ORC6: variants seen among roughly 807,000 people sequenced by gnomAD.
ORC6 encodes the protein origin recognition complex subunit 6, also known as origin recognition complex, subunit 6 homolog-like (yeast).
A neutral mutation model predicts 30.0 loss-of-function variants in ORC6; 31 were observed. That is an observed-to-expected ratio of 1.03 (90% CI 0.78 to 1.40). The LOEUF is 1.40. Ranked by LOEUF, ORC6 falls within the 40% of genes most tolerant of loss-of-function variation. ORC6 has a pLI of 0.00. For missense variants in ORC6, 340 were observed against 304.3 expected (o/e 1.12, Z -0.87); for synonymous variants, 136 against 111.2 (o/e 1.22, Z -1.40).
intron 2 of ORC6, 95 bp downstream of exon 2, chr16:46,691,215 T>A (rs1272619063): frequency 8.7e-7 from 1 of 1,155,620 alleles, no homozygotes; most frequent in Non-Finnish European, 1.3e-6. Context: ...AACTCTTGTT[T>A]TAGAATTGTC....
chr16:46,696,590 GT>G (rs1200895786), intron 6 of ORC6, among the ~76,000 whole-genome samples: 6 of 152,292 alleles, frequency 3.9e-5, no homozygotes, highest in African/African-American at 1.4e-4. Context: ...CTGCATTATT[GT>G]TTTAATACCA....
chr16:46,695,412 C>A, intron 4 of ORC6, 150 bp from the exon 5 acceptor site: 1 of 646,454 alleles, frequency 1.5e-6, no homozygotes. Flanking sequence ...AACAACTTAG[C>A]ATAGATAATA....
intron 5 of ORC6, 109 bp from the exon 6 acceptor site, chr16:46,695,908 C>A: frequency 1.2e-6 from 1 of 852,514 alleles, no homozygotes; most frequent in South Asian, 1.4e-5. Flanking sequence ...TTTCTCTTCT[C>A]CTCATATTTG....
chr16:46,691,208 T>G, intron 2 of ORC6, 88 bp downstream of exon 2: 1 of 1,277,104 alleles, frequency 7.8e-7, no homozygotes, highest in Non-Finnish European at 1.1e-6. Context: ...TAGTAAAAAC[T>G]CTTGTTTTAG....
Position 46,689,672 on chromosome 16 carries a change from G to A in ORC6, c.-34G>A. On this transcript the variant is annotated 5_prime_UTR_variant, in exon 1 of 7. Transcript: ENST00000219097. ...CGCGCGGGTTTCGTTGACCCGCGGC[G>A]TTCACGGGAATTGTTCGCTTTAGTG... 1 of 1,585,854 alleles carries A rather than the reference G, an allele frequency of 6.3e-7. No individual in the cohort carries two copies. The highest frequency in any genetic ancestry group is 8.6e-7 in the Non-Finnish European group (1 of 1,165,638).
Position 46,698,125 on chromosome 16 carries a change from G to A in ORC6, c.*540G>A, listed in dbSNP as rs1447199267. The A allele has an allele frequency of 9.2e-6, 4 of 434,772 alleles. No homozygotes were observed. The highest frequency in any genetic ancestry group is 7.4e-4 in the Middle Eastern group (1 of 1,356). 26.9% of individuals were successfully genotyped at this position (434,772 alleles called of 1,614,324 possible). A position where few individuals can be genotyped will look rare whatever the true frequency, so the allele number is the denominator to read the frequency against. On this transcript the variant is annotated 3_prime_UTR_variant, in exon 7 of 7. Transcript: ENST00000219097. ...GCGAGACTTATCTCATAAATAAATA[G>A]ATAGATACTCCAGCCTGGGTGACAG...
chr16:46,693,901 TCA>T (rs1479110503), intron 4 of ORC6: 7 of 103,768 alleles, frequency 6.7e-5, no homozygotes, highest in Non-Finnish European at 1.4e-4. Context: ...TGGGTGTTTC[TCA>T]CAGAGGGGGA....
rs1309641247 is a variant in ORC6 at position 46,697,942 on chromosome 16, C to T, written c.*357C>T. 2.2e-6 allele frequency: 1 copy of T among 448,376 alleles called. No individual in the cohort carries two copies. Among genetic ancestry groups the T allele is most frequent in the African/African-American group, 2.0e-5 (1 of 49,864 alleles). 27.8% of individuals were successfully genotyped at this position (448,376 alleles called of 1,614,324 possible). On this transcript the variant is annotated 3_prime_UTR_variant, in exon 7 of 7. Coordinates refer to ENST00000219097, the MANE Select transcript of ORC6 (RefSeq NM_014321.4). ...CCAGCCTGGCCAACATGGTGAAACCCCATCTCTACTAAAAATACAAAAATT... is the reference window on the plus strand; with the variant it reads ...CCAGCCTGGCCAACATGGTGAAACCTCATCTCTACTAAAAATACAAAAATT...
At chr16:46,690,213 G>C (rs562618118) in intron 1 of ORC6, among the ~76,000 whole-genome samples, 1 of 152,208 alleles carries the variant, frequency 6.6e-6, no homozygotes, top group South Asian at 2.1e-4. Context: ...TTAACACAAA[G>C]AAACAAACAA....
At chr16:46,695,877 C>T (rs976605562) in intron 5 of ORC6, 140 bp from the exon 6 acceptor site, 13 of 775,100 alleles carry the variant, frequency 1.7e-5, no homozygotes, top group Non-Finnish European at 2.9e-5. Context: ...ACAAGAGGCC[C>T]AAAAGAGAGG....
intron 6 of ORC6, 25 bp downstream of exon 6, chr16:46,696,110 A>G: frequency 6.4e-7 from 1 of 1,556,136 alleles, no homozygotes; most frequent in African/African-American, 1.4e-5. Context: ...CACGGTACTG[A>G]CGTTGACATT....
At chr16:46,690,944 G>A in intron 1 of ORC6, 47 bp from the exon 2 acceptor site, 1 of 1,610,924 alleles carries the variant, frequency 6.2e-7, no homozygotes, top group Non-Finnish European at 8.5e-7. Context: ...AACGTGTTGA[G>A]CAAACTTCTG....
chr16:46,692,022 T>A (rs1329199461), intron 2 of ORC6, among the ~76,000 whole-genome samples: 1 of 144,076 alleles, frequency 6.9e-6, no homozygotes, highest in South Asian at 2.3e-4. Context: ...CTTCTCTCCT[T>A]CCTTTTCCCA....
intron 5 of ORC6, 155 bp downstream of exon 5, chr16:46,695,829 T>G: frequency 1.3e-6 from 1 of 752,116 alleles, no homozygotes. Context: ...AACCTATGAT[T>G]CCATGAATCT....
At chr16:46,696,158 GC>G in intron 6 of ORC6, 73 bp downstream of exon 6, 1 of 1,051,310 alleles carries the variant, frequency 9.5e-7, no homozygotes, top group African/African-American at 1.6e-5. Flanking sequence ...CTAGCAGCTT[GC>G]CTGACAGGAG....
chr16:46,697,635 C>G lies in ORC6; in HGVS notation c.*50C>G. 1 of 1,579,280 alleles carries G rather than the reference C, an allele frequency of 6.3e-7. No individual in the cohort carries two copies. The highest frequency in any genetic ancestry group is 8.7e-7 in the Non-Finnish European group (1 of 1,148,364). On this transcript the variant is annotated 3_prime_UTR_variant, in exon 7 of 7. Coordinates refer to ENST00000219097, the MANE Select transcript of ORC6 (RefSeq NM_014321.4). ...TTCCAAACTGATAGTACATTGCCAT[C>G]TCCAGGAAGACTTGACGGCTTTGGG...
At chr16:46,694,169 G>A (rs1966487585) in intron 4 of ORC6, 1 of 48,422 alleles carries the variant, frequency 2.1e-5, no homozygotes, top group African/African-American at 7.6e-5. Context: ...AGAGCACAGG[G>A]TTGGGGGTAA....
chr16:46,693,206 G>A (rs745838995), intron 4 of ORC6, 24 bp downstream of exon 4: 10 of 1,504,140 alleles, frequency 6.6e-6, no homozygotes, highest in Non-Finnish European at 9.3e-6. Flanking sequence ...TAAACATTCA[G>A]AAAAGTTACC....
chr16:46,691,543 T>C (rs1411434213), intron 2 of ORC6, among the ~76,000 whole-genome samples: 1 of 152,230 alleles, frequency 6.6e-6, no homozygotes, highest in Non-Finnish European at 1.5e-5. Flanking sequence ...AAAGTGAAGA[T>C]AAAATATCCA....
Sources: allele counts gnomAD v4.1 joint callset (sites outside exome capture counted in the v4.1 genomes callset), GRCh38; gene constraint gnomAD v4.1.1; transcripts MANE v1.5; gene names NCBI Gene and HGNC (gene_info 2026-07-23, HGNC 2026-07-21).